RAP1A: variants seen among roughly 807,000 people sequenced by gnomAD.
The protein encoded by RAP1A is RAP1A, member of RAS oncogene family, also known as ras-related protein Rap-1A.
In RAP1A, 6 loss-of-function variants were observed where a neutral mutation model predicts 26.4. The observed-to-expected ratio is 0.23, with a 90% CI of 0.12 to 0.45. RAP1A has a LOEUF of 0.45. Among genes scored for constraint, RAP1A ranks in the 20% least tolerant of loss-of-function variants. RAP1A has a pLI of 0.99. For synonymous variants in RAP1A, 73 were observed against 79.4 expected, an observed-to-expected ratio of 0.92 and a Z score of 0.43; for missense variants, 121 against 217.2, an observed-to-expected ratio of 0.56 and a Z score of 2.78.
At chr1:111,546,420 C>G (rs1318630195) in intron 1 of RAP1A, among the ~76,000 whole-genome samples, 5 of 152,138 alleles carry the variant, frequency 3.3e-5, no homozygotes, top group Non-Finnish European at 5.9e-5. Flanking sequence ...AGTAACTCCC[C>G]ATTCCTTCCT....
rs979439266 is a variant in RAP1A at position 111,605,733 on chromosome 1, G to C, written c.-28+63224G>C. ...GAAAATTAGGCAATAGGATTGGGCT[G>C]TGCCTTGCTGAAGTCATGTCAGCAG... is the stretch of plus-strand genomic sequence containing the variant. On this transcript the variant is annotated intron_variant, in intron 1 of 7. Coordinates refer to the RAP1A transcript ENST00000356415. Among the ~76,000 whole-genome samples the C allele has an allele frequency of 2.0e-5, 3 of 152,194 alleles. No homozygotes were observed. The East Asian group carries it at 5.8e-4, about 29-fold the overall frequency.
intron 4 of RAP1A, among the ~76,000 whole-genome samples, chr1:111,700,275 A>C (rs1661977303): frequency 6.6e-6 from 1 of 152,238 alleles, no homozygotes; most frequent in East Asian, 1.9e-4. Flanking sequence ...TATGAAGAAA[A>C]GAGGTTTAAT....
At chr1:111,704,034 C>G (rs1407911390) in intron 5 of RAP1A, among the ~76,000 whole-genome samples, 4 of 152,110 alleles carry the variant, frequency 2.6e-5, no homozygotes, top group South Asian at 2.1e-4. Flanking sequence ...GGCTCCTGAG[C>G]TCAAGCAGTC....
chr1:111,583,567 A>G (rs1268891210), intron 1 of RAP1A, among the ~76,000 whole-genome samples: 1 of 152,208 alleles, frequency 6.6e-6, no homozygotes, highest in Non-Finnish European at 1.5e-5. Context: ...ATACGCAGTC[A>G]TAGTTTCACA....
intron 1 of RAP1A, among the ~76,000 whole-genome samples, chr1:111,631,888 G>A (rs961678528): frequency 6.7e-6 from 1 of 148,558 alleles, no homozygotes; most frequent in African/African-American, 2.5e-5. Context: ...TGAGTAATTT[G>A]TAGAGTTTTT....
At chr1:111,547,684 G>A (rs560819409) in intron 1 of RAP1A, among the ~76,000 whole-genome samples, 1 of 152,238 alleles carries the variant, frequency 6.6e-6, no homozygotes, top group South Asian at 2.1e-4. Context: ...TAAGATATAG[G>A]AAGAAGTCAG....
intron 1 of RAP1A, among the ~76,000 whole-genome samples, chr1:111,553,119 T>C (rs946057471): frequency 9.2e-5 from 14 of 152,236 alleles, no homozygotes; most frequent in Admixed American, 3.3e-4. Context: ...CTCATGTTTC[T>C]TCCCATCTTG....
intron 1 of RAP1A, among the ~76,000 whole-genome samples, chr1:111,638,158 G>A (rs1659778550): frequency 6.6e-6 from 1 of 151,964 alleles, no homozygotes; most frequent in South Asian, 2.1e-4. Flanking sequence ...ACTACAGCAA[G>A]TTGCTTTTTT....
rs563793907 is a variant in RAP1A, at chr1:111,694,716, G to A, written c.58-625G>A. ...TCTGGGACAAATGTGAAATTTGAAT[G>A]TGGTTATAAATTAAAAGTGACTAGC... On this transcript the variant is annotated intron_variant, in intron 2 of 7. Transcript: ENST00000369709. Among the ~76,000 whole-genome samples the A allele has an allele frequency of 2.6e-5, 4 of 152,344 alleles. No individual in the cohort carries two copies. In the South Asian group the frequency reaches 8.3e-4, roughly 32 times the overall value.
rs1407531299 is a variant in RAP1A, at chr1:111,675,211, G to A, written c.-27-16123G>A. 2.6e-5 allele frequency among the ~76,000 whole-genome samples: 4 copies of A among 152,286 alleles called. No homozygotes were observed. The East Asian group carries it at 7.7e-4, about 29-fold the overall frequency. On this transcript the variant is annotated intron_variant, in intron 1 of 7. Coordinates refer to ENST00000369709, the MANE Select transcript of RAP1A (RefSeq NM_002884.4). ...AAAAAACTGTCCTGGGCCGGGTGTG[G>A]TGGCTCACACCTGTAATCCCAGCAC...
At chr1:111,634,599 TTATATA>T (rs141253898) in intron 1 of RAP1A, among the ~76,000 whole-genome samples, 1 of 149,762 alleles carries the variant, frequency 6.7e-6, no homozygotes, top group Non-Finnish European at 1.5e-5. Context: ...AACTTTACAT[TTATATA>T]TATATATGTA....
intron 4 of RAP1A, among the ~76,000 whole-genome samples, chr1:111,702,595 T>G (rs957797371): frequency 1.3e-5 from 2 of 151,932 alleles, no homozygotes; most frequent in African/African-American, 2.4e-5. Context: ...GAGACAGAGT[T>G]TCACTCTTGT....
At chr1:111,542,126 T>C (rs1656854494), upstream of RAP1A, 2 of 242,450 alleles carry the variant, frequency 8.2e-6, no homozygotes, top group Admixed American at 9.2e-5. Flanking sequence ...ATGTTTATTT[T>C]ATGTACAAAG....
At chr1:111,557,524 T>C (rs1657549267) in intron 1 of RAP1A, among the ~76,000 whole-genome samples, 1 of 151,588 alleles carries the variant, frequency 6.6e-6, no homozygotes, top group Non-Finnish European at 1.5e-5. Context: ...CACTCCAGCC[T>C]GGGCAATAGA....
chr1:111,701,095 A>G (rs1038534906), intron 4 of RAP1A, among the ~76,000 whole-genome samples: 8 of 152,342 alleles, frequency 5.3e-5, no homozygotes, highest in Admixed American at 5.2e-4. Context: ...ATTATGCATT[A>G]AACTCAGAGT....
At chr1:111,615,713 C>T (rs1659000383), upstream of RAP1A, among the ~76,000 whole-genome samples, 1 of 151,780 alleles carries the variant, frequency 6.6e-6, no homozygotes, top group Admixed American at 6.6e-5. Flanking sequence ...TGCCTGTAGT[C>T]CCAGCTACTC....
At chr1:111,619,405 C>T (rs1319224333), upstream of RAP1A, among the ~76,000 whole-genome samples, 1 of 152,220 alleles carries the variant, frequency 6.6e-6, no homozygotes, top group Non-Finnish European at 1.5e-5. Context: ...AGCATGCAAG[C>T]TGCAAGAGGG....
Position 111,703,394 on chromosome 1 carries a change from T to C in RAP1A, c.242T>C (p.Val81Ala). 6.2e-7 allele frequency: 1 copy of C among 1,603,890 alleles called. No individual in the cohort carries two copies. Among genetic ancestry groups the C allele is most frequent in the Non-Finnish European group, 8.5e-7 (1 of 1,172,570 alleles). ...YMKNGQGFALVYSITAQSTFN... is the reference protein window; with the variant it reads ...YMKNGQGFALAYSITAQSTFN... ...AAGAACGGCCAAGGTTTTGCACTAG[T>C]ATATTCTATTACAGCTCAGTCCACG... is the stretch of plus-strand genomic sequence containing the variant. The change falls in exon 5 of 8, where the codon GTA becomes GCA. Residue 81 changes from valine to alanine, a missense_variant. Physicochemically the swap from Val to Ala is moderately conservative, Grantham distance 64. Coordinates refer to ENST00000369709, the MANE Select transcript of RAP1A (RefSeq NM_002884.4).
rs1403373981 is a variant in RAP1A at position 111,607,631 on chromosome 1, C to T, written c.-28+65122C>T. Among the ~76,000 whole-genome samples, 3 of 148,238 alleles carry T rather than the reference C, an allele frequency of 2.0e-5. 1 individual carries two copies. Among genetic ancestry groups the T allele is most frequent in the African/African-American group, 7.4e-5 (3 of 40,458 alleles). ...TCACCTCCCGGACAGGGTGGCTGGC[C>T]GGGCGGGGGGCTGACCCCGCCACGT... On this transcript the variant is annotated intron_variant, in intron 1 of 7. Transcript: ENST00000356415.
Sources: gnomAD v4.1 joint callset for allele counts (sites outside exome capture counted in the v4.1 genomes callset) on GRCh38, gnomAD v4.1.1 for gene constraint, MANE v1.5 for transcripts, NCBI Gene and HGNC (gene_info 2026-07-23, HGNC 2026-07-21) for gene names.